RUNX1T1: variants seen among roughly 807,000 people sequenced by gnomAD.
RUNX1T1 encodes RUNX1 partner transcriptional co-repressor 1.
In RUNX1T1, 4 loss-of-function variants were observed where a neutral mutation model predicts 62.8. That is an observed-to-expected ratio of 0.06 (90% CI 0.03 to 0.15). The LOEUF (loss-of-function observed/expected upper bound fraction) is 0.15, where lower values mean the gene tolerates loss of function less well. Among genes scored for constraint, RUNX1T1 ranks in the 10% least tolerant of loss-of-function variants. RUNX1T1 has a pLI of 1.00. For synonymous variants in RUNX1T1, 291 were observed against 286.0 expected (o/e 1.02, Z -0.18); for missense variants, 508 against 754.3 (o/e 0.67, Z 3.82).
chr8:92,003,960 C>T (rs1048372471), intron 5 of RUNX1T1, among the ~76,000 whole-genome samples: 6 of 152,192 alleles, frequency 3.9e-5, no homozygotes, highest in African/African-American at 1.4e-4. Flanking sequence ...TTAAGAGGTT[C>T]TATGTCAAGG....
Position 92,017,424 on chromosome 8 carries a change from G to A in RUNX1T1, c.8-61C>T, listed in dbSNP as rs760208494. On this transcript the variant is annotated intron_variant, in intron 1 of 10. Coordinates refer to ENST00000396218, the Ensembl canonical transcript of RUNX1T1. ...CTTAAGCACCTCAGTTTTTCAAGTGGGGTTTATCTTTTTTAAAAGCAAGTG... is the reference window on the plus strand; with the variant it reads ...CTTAAGCACCTCAGTTTTTCAAGTGAGGTTTATCTTTTTTAAAAGCAAGTG... 6 of 1,612,628 alleles carry A rather than the reference G, an allele frequency of 3.7e-6. No individual in the cohort carries two copies. In the Admixed American group the frequency reaches 8.4e-5, roughly 22 times the overall value.
chr8:92,102,393 T>C (rs1302464292), upstream of RUNX1T1, among the ~76,000 whole-genome samples: 2 of 147,248 alleles, frequency 1.4e-5, no homozygotes, highest in Non-Finnish European at 3.0e-5. The surrounding 1 kb of genome is among the most constrained non-coding windows in gnomAD (Gnocchi z 4.5). Context: ...TCAAAACAAG[T>C]CTTTGCTTCC....
At chr8:92,071,690 G>A (rs1173361703) in intron 2 of RUNX1T1, among the ~76,000 whole-genome samples, 1 of 152,128 alleles carries the variant, frequency 6.6e-6, no homozygotes, top group Non-Finnish European at 1.5e-5. Flanking sequence ...GGATGTCAGA[G>A]CGCCAGGCGG....
intron 1 of RUNX1T1, chr8:92,095,478 T>TGAGTGTGTGAGC: frequency 2.0e-6 from 3 of 1,530,362 alleles, no homozygotes; most frequent in Non-Finnish European, 2.6e-6. Context: ...TGTGTGTGAG[T>TGAGTGTGTGAGC]GAGTGTGTGA....
intron 1 of RUNX1T1, among the ~76,000 whole-genome samples, chr8:92,018,288 G>A (rs1188709829): frequency 2.6e-5 from 4 of 152,058 alleles, no homozygotes; most frequent in African/African-American, 9.7e-5. Flanking sequence ...TTAACACTTT[G>A]GTTATAATAA....
chr8:91,991,854 T>C, exon 6 of RUNX1T1: 1 of 1,614,048 alleles, frequency 6.2e-7, no homozygotes, highest in Non-Finnish European at 8.5e-7. Context: ...ATGTTCTGAG[T>C]GCAAAGGCTC....
chr8:92,058,277 TGTC>T, intron 1 of RUNX1T1, among the ~76,000 whole-genome samples: 1 of 152,318 alleles, frequency 6.6e-6, no homozygotes, highest in African/African-American at 2.4e-5. Context: ...AACTTTCTGT[TGTC>T]GTAGCCTTAC....
downstream of RUNX1T1, chr8:91,955,160 C>A (rs1182726356): frequency 4.6e-6 from 1 of 216,108 alleles, no homozygotes; most frequent in African/African-American, 2.3e-5. Context: ...TGGCGTCCAC[C>A]ACCTGGAAGT....
intron 1 of RUNX1T1, among the ~76,000 whole-genome samples, chr8:92,053,186 G>A (rs1019803976): frequency 4.0e-5 from 6 of 151,726 alleles, no homozygotes; most frequent in East Asian, 3.9e-4. Flanking sequence ...TCTAGCAATC[G>A]CTCTAGAGTC....
intron 1 of RUNX1T1, among the ~76,000 whole-genome samples, chr8:92,081,642 A>C (rs1165824568): frequency 6.6e-6 from 1 of 151,970 alleles, no homozygotes; most frequent in Non-Finnish European, 1.5e-5. Flanking sequence ...TCTCCAAATA[A>C]AGGCATCTGT....
chr8:92,067,232 G>A (rs909131798), upstream of RUNX1T1, among the ~76,000 whole-genome samples: 5 of 152,340 alleles, frequency 3.3e-5, no homozygotes, highest in African/African-American at 1.2e-4. Flanking sequence ...AGACATTACA[G>A]ACGCGGAAAA....
Position 91,959,488 on chromosome 8 carries a change from G to GTATATA in RUNX1T1, c.*748_*753dup, listed in dbSNP as rs60438153. 4.3e-4 allele frequency: 37 copies of GTATATA among 86,638 alleles called. 1 individual carries two copies. Among genetic ancestry groups the GTATATA allele is most frequent in the Admixed American group, 5.5e-4 (4 of 7,274 alleles). 5.4% of individuals were successfully genotyped at this position (86,638 alleles called of 1,614,324 possible). Reference sequence around the variant, plus strand: ...TGTGTATATGTGCGTGTGTGTGTGTGTATATATATATATATATATATATAT... The same window carrying GTATATA: ...TGTGTATATGTGCGTGTGTGTGTGTGTATATATATATATATATATATATATATATAT... On this transcript the variant is annotated 3_prime_UTR_variant, in exon 11 of 11. Coordinates refer to ENST00000396218, the Ensembl canonical transcript of RUNX1T1.
chr8:91,966,185 C>G (rs1323435363), intron 10 of RUNX1T1, among the ~76,000 whole-genome samples: 1 of 148,952 alleles, frequency 6.7e-6, no homozygotes, highest in African/African-American at 2.5e-5. Flanking sequence ...ATATATGTAA[C>G]ATAGCATCAT....
rs184657835 is a variant in RUNX1T1 at position 92,085,590 on chromosome 8, T to C, written c.-85-9453A>G. Among the ~76,000 whole-genome samples, 144 of 152,306 alleles carry C rather than the reference T, an allele frequency of 9.5e-4. 1 individual carries two copies. The highest frequency in any genetic ancestry group is 3.4e-3 in the Middle Eastern group (1 of 294). On this transcript the variant is annotated intron_variant, in intron 1 of 11. Transcript: ENST00000265814. ...ATAATTCACTACAGAGGGAGAAGTC[T>C]TAAAAAATCCAATTCTGACAGATTT...
intron 5 of RUNX1T1, among the ~76,000 whole-genome samples, chr8:92,001,776 G>C (rs117460725): frequency 3.0e-4 from 46 of 152,288 alleles, no homozygotes; most frequent in Middle Eastern, 3.4e-3. Flanking sequence ...AAATTAGATC[G>C]AAAAGCTGTG....
intron 1 of RUNX1T1, among the ~76,000 whole-genome samples, chr8:92,031,318 A>G (rs1826180818): frequency 1.3e-5 from 2 of 152,184 alleles, no homozygotes; most frequent in African/African-American, 2.4e-5. Context: ...TTGTGTGTGT[A>G]CTCAAATCAT....
intron 1 of RUNX1T1, among the ~76,000 whole-genome samples, chr8:92,026,082 T>A (rs962399430): frequency 6.6e-6 from 1 of 152,232 alleles, no homozygotes; most frequent in Admixed American, 6.5e-5. Flanking sequence ...ACATACTTTT[T>A]TCTACATTCT....
intron 8 of RUNX1T1, among the ~76,000 whole-genome samples, chr8:91,985,868 A>T (rs2920466): frequency 0.26 from 40,083 of 151,992 alleles, 6,016 homozygotes; most frequent in African/African-American, 0.41. Context: ...GCACATGAAA[A>T]TCTGGTTCAG....
chr8:92,089,208 G>A (rs991319622), intron 1 of RUNX1T1, among the ~76,000 whole-genome samples: 1 of 151,580 alleles, frequency 6.6e-6, no homozygotes, highest in Non-Finnish European at 1.5e-5. Flanking sequence ...CCCTAGCCTG[G>A]GTTTACTATT....
Sources: gnomAD v4.1 joint callset for allele counts (sites outside exome capture counted in the v4.1 genomes callset) on GRCh38, gnomAD v4.1.1 for gene constraint, Gnocchi (gnomAD v3.1) non-coding constraint, MANE v1.5 for transcripts, NCBI Gene and HGNC (gene_info 2026-07-23, HGNC 2026-07-21) for gene names.